IL21R: variants seen among roughly 807,000 people sequenced by gnomAD.
IL21R encodes interleukin 21 receptor.
Under a neutral mutation model 41.3 loss-of-function variants are expected in IL21R, and 14 were observed. The observed-to-expected ratio is 0.34, with a 90% confidence interval of 0.22 to 0.53. IL21R has a LOEUF of 0.53. Among genes scored for constraint, IL21R ranks in the 20% least tolerant of loss-of-function variants. IL21R has a pLI of 0.94. For missense variants in IL21R, 588 were observed against 681.6 expected (o/e 0.86, Z 1.53); for synonymous variants, 286 against 287.6 (o/e 0.99, Z 0.05).
intron 1 of IL21R, chr16:27,403,204 G>T (rs765957530): frequency 2.4e-5 from 32 of 1,341,650 alleles, no homozygotes; most frequent in Non-Finnish European, 3.1e-5. Flanking sequence ...CATGAAGCAC[G>T]GGGAACGGGT....
chr16:27,430,684 G>A lies in IL21R; in HGVS notation c.49+564G>A, dbSNP rs952235791. On this transcript the variant is annotated intron_variant, in intron 2 of 8. Coordinates refer to ENST00000337929, the MANE Select transcript of IL21R (RefSeq NM_181078.3). ...AAAAAAATTAGCCAGGCATAGGAGC[G>A]CATGCTTGTAGTCTCAGCTTTTTGT... Among the ~76,000 whole-genome samples the A allele has an allele frequency of 5.3e-4, 80 of 152,048 alleles. 1 individual carries two copies. Among genetic ancestry groups the A allele is most frequent in the Admixed American group, 4.7e-3 (72 of 15,254 alleles).
In IL21R at chr16:27,443,064, G is replaced by A. The variant is rs775935919; in HGVS notation, c.455G>A (p.Gly152Asp). The change falls in exon 5 of 9, where the codon GGC (glycine) becomes GAC (aspartate). Residue 152 changes from glycine (G) to aspartate (D), a missense_variant. Physicochemically the swap from Gly to Asp is moderately conservative, Grantham distance 94. Coordinates refer to ENST00000337929, the MANE Select transcript of IL21R (RefSeq NM_181078.3). ...YEDPAFYMLK[G>D]KLQYELQYRN... Reference sequence around the variant, plus strand: ...GACCCTGCCTTCTACATGCTGAAGGGCAAGCTTCAGTATGAGCTGCAGTAC... The same window carrying A: ...GACCCTGCCTTCTACATGCTGAAGGACAAGCTTCAGTATGAGCTGCAGTAC... 1.2e-6 allele frequency: 2 copies of A among 1,613,920 alleles called. No individual in the cohort carries two copies. The highest frequency in any genetic ancestry group is 4.5e-5 in the East Asian group (2 of 44,868).
At chr16:27,407,728 G>A (rs959913463) in intron 1 of IL21R, among the ~76,000 whole-genome samples, 4 of 152,230 alleles carry the variant, frequency 2.6e-5, no homozygotes, top group Non-Finnish European at 5.9e-5. Context: ...GGGAGGCTGA[G>A]GCAGGAGACT....
chr16:27,443,267 C>G (rs1374912410), intron 5 of IL21R, 151 bp downstream of exon 5: 10 of 599,180 alleles, frequency 1.7e-5, no homozygotes, highest in African/African-American at 1.1e-4. Flanking sequence ...AGCGGGCCCT[C>G]CTCCTCCCCT....
At chr16:27,428,199 C>CAAG (rs3093293) in intron 1 of IL21R, among the ~76,000 whole-genome samples, 55,297 of 151,908 alleles carry the variant, frequency 0.36, 10,449 homozygotes, top group East Asian at 0.54. Flanking sequence ...TGAATTCTCA[C>CAAG]AAGCCTGGAA....
intron 1 of IL21R, among the ~76,000 whole-genome samples, chr16:27,424,512 A>G (rs1303674429): frequency 1.3e-5 from 2 of 152,206 alleles, no homozygotes; most frequent in African/African-American, 4.8e-5. Context: ...AACATTTCTC[A>G]GCACTGAAAC....
In IL21R at chr16:27,437,620, T is replaced by G. The variant is rs773241869; in HGVS notation, c.285T>G (p.Ser95Arg). 2.5e-6 allele frequency: 4 copies of G among 1,614,200 alleles called. No homozygotes were observed. The South Asian group carries it at 4.4e-5, about 18-fold the overall frequency. The change falls in exon 4 of 9, where the codon AGT becomes AGG. Residue 95 changes from serine (S) to arginine (R), a missense_variant. Transcript: ENST00000337929. ...ACTTCATGGCCGACGACATTTTCAG[T>G]GTCAACATCACAGACCAGTCTGGCA... Reference protein sequence around the residue: ...VFHFMADDIFSVNITDQSGNY... With the variant: ...VFHFMADDIFRVNITDQSGNY...
chr16:27,442,165 G>A (rs909476054), intron 4 of IL21R, among the ~76,000 whole-genome samples: 8 of 152,248 alleles, frequency 5.3e-5, no homozygotes, highest in Admixed American at 3.9e-4. Flanking sequence ...TGTGCATGCT[G>A]TGCGTGTGCA....
rs1567377331 is a variant in IL21R, at chr16:27,451,562, TA to T, written c.*2286del. ...CATCTCTACAAAAATTATTATTTTT[TA>T]AAAAAATTAGCCAGGTGTGGTGGTG... On this transcript the variant is annotated 3_prime_UTR_variant, in exon 9 of 9. Coordinates refer to ENST00000337929, the MANE Select transcript of IL21R (RefSeq NM_181078.3). The T allele has an allele frequency of 4.8e-6, 1 of 207,632 alleles. No homozygotes were observed. The highest frequency in any genetic ancestry group is 7.3e-5 in the East Asian group (1 of 13,760). 12.9% of individuals were successfully genotyped at this position (207,632 alleles called of 1,614,324 possible).
intron 1 of IL21R, among the ~76,000 whole-genome samples, chr16:27,417,252 C>G (rs1479515292): frequency 6.7e-6 from 1 of 148,346 alleles, no homozygotes; most frequent in Non-Finnish European, 1.5e-5. Flanking sequence ...GCCTCAAACT[C>G]TTGGGCTCAT....
intron 1 of IL21R, among the ~76,000 whole-genome samples, chr16:27,416,042 G>T (rs1406586497): frequency 6.6e-6 from 1 of 152,024 alleles, no homozygotes; most frequent in African/African-American, 2.4e-5. Context: ...CTTACCTTTG[G>T]GGTTTCATGG....
At chr16:27,431,657 CT>C (rs533044331) in intron 2 of IL21R, among the ~76,000 whole-genome samples, 52 of 145,878 alleles carry the variant, frequency 3.6e-4, no homozygotes, top group East Asian at 4.0e-4. Context: ...CCCATCTTTG[CT>C]TTTTTTTTTT....
intron 1 of IL21R, among the ~76,000 whole-genome samples, chr16:27,420,688 G>A (rs1359283968): frequency 6.6e-6 from 1 of 152,124 alleles, no homozygotes; most frequent in African/African-American, 2.4e-5. Flanking sequence ...AGAATTCTTT[G>A]CATATTCTAA....
chr16:27,450,226 C>T lies in IL21R; in HGVS notation c.*943C>T. On this transcript the variant is annotated 3_prime_UTR_variant, in exon 9 of 9. Transcript: ENST00000337929. ...GTTTCGTCTCTTGGAAACAGCTCCC[C>T]ACCAACCAAGATTTCTTTTTCTAAC... The T allele has an allele frequency of 4.3e-6, 1 of 232,988 alleles. No individual in the cohort carries two copies. Among genetic ancestry groups the T allele is most frequent in the Non-Finnish European group, 8.5e-6 (1 of 117,828 alleles). 14.4% of individuals were successfully genotyped at this position (232,988 alleles called of 1,614,324 possible).
At chr16:27,437,899 A>T (rs1281373019) in intron 4 of IL21R, among the ~76,000 whole-genome samples, 1 of 152,128 alleles carries the variant, frequency 6.6e-6, no homozygotes, top group African/African-American at 2.4e-5. Context: ...CCTGGGCTCC[A>T]GCGATCCACT....
At chr16:27,429,949 A>G (rs1333651102) in intron 1 of IL21R, 107 bp from the exon 2 acceptor site, 1 of 915,180 alleles carries the variant, frequency 1.1e-6, no homozygotes, top group Non-Finnish European at 1.7e-6. Context: ...TTCTTAAGAC[A>G]GTTCCAAGAA....
At chr16:27,419,491 A>C (rs1471009900) in intron 1 of IL21R, among the ~76,000 whole-genome samples, 2 of 152,294 alleles carry the variant, frequency 1.3e-5, no homozygotes, top group Admixed American at 6.5e-5. Flanking sequence ...GCAGTGGCAC[A>C]ATCTTGGCTC....
At chr16:27,406,406 G>T (rs955690529) in intron 1 of IL21R, among the ~76,000 whole-genome samples, 13 of 152,186 alleles carry the variant, frequency 8.5e-5, no homozygotes, top group African/African-American at 2.9e-4. Context: ...GGTGGGGAGT[G>T]GGGGGTGCGG....
rs372827500 is a variant in IL21R, at chr16:27,449,196, C to T, written c.1530C>T (p.Pro510=). ...CTGTGGAGTGTGACTTCACCAGCCC[C>T]GGGGACGAAGGACCCCCCCGGAGCT... ...SSPVECDFTS[P]GDEGPPRSYL... The change falls in exon 9 of 9, where the codon CCC becomes CCT. Residue 510 remains proline (P), a synonymous_variant. Coordinates refer to ENST00000337929, the MANE Select transcript of IL21R (RefSeq NM_181078.3). 25 of 1,612,936 alleles carry T rather than the reference C, an allele frequency of 1.5e-5. No individual in the cohort carries two copies. The highest frequency in any genetic ancestry group is 1.1e-4 in the East Asian group (5 of 44,854).
Sources: gnomAD v4.1 joint callset for allele counts (sites outside exome capture counted in the v4.1 genomes callset) on GRCh38, gnomAD v4.1.1 for gene constraint, MANE v1.5 for transcripts, NCBI Gene and HGNC (gene_info 2026-07-23, HGNC 2026-07-21) for gene names.